The following TRPV5 variants were observed in gnomAD, a reference collection of about 807,000 sequenced individuals.
TRPV5 encodes the protein calcium transport protein 2.
In TRPV5, 66 loss-of-function variants were observed where a neutral mutation model predicts 74.1. The observed-to-expected ratio is 0.89, with a 90% CI of 0.73 to 1.09. TRPV5 has a LOEUF of 1.09. Ranked by LOEUF, TRPV5 falls within the 50% of genes least tolerant of loss-of-function variation. TRPV5 has a pLI of 0.00. For synonymous variants in TRPV5, 399 were observed against 360.7 expected (o/e 1.11, Z -1.20); for missense variants, 936 against 930.4 (o/e 1.01, Z -0.08).
chr7:142,930,185 A>T lies in TRPV5; in HGVS notation c.227-5T>A. 6.2e-7 allele frequency: 1 copy of T among 1,611,916 alleles called. No homozygotes were observed. Among genetic ancestry groups the T allele is most frequent in the Non-Finnish European group, 8.5e-7 (1 of 1,179,426 alleles). On this transcript the variant is annotated splice_polypyrimidine_tract_variant and splice_region_variant and intron_variant, in intron 2 of 14. Transcript: ENST00000265310. The stretch of plus-strand genomic sequence containing the variant: ...GCGCCGTCTCCCCCAGGGCTCCTGG[A>T]TTGGAGTAAGACAGAGATGTTAGAC...
rs779913551 is a variant in TRPV5, at chr7:142,915,385, T to G, written c.1210-2A>C. On this transcript the variant is annotated splice_acceptor_variant, in intron 9 of 14. Coordinates refer to ENST00000265310, the MANE Select transcript of TRPV5 (RefSeq NM_019841.7). LOFTEE classifies it high-confidence loss of function. ...ACCAACCCTGAAGATGTCTGGAATCTGGGGAGAGGACGGCAAAGCAAAAAT... is the reference window on the plus strand; with the variant it reads ...ACCAACCCTGAAGATGTCTGGAATCGGGGGAGAGGACGGCAAAGCAAAAAT... The G allele has an allele frequency of 1.2e-6, 2 of 1,607,700 alleles. No homozygotes were observed. The highest frequency in any genetic ancestry group is 3.5e-5 in the Admixed American group (2 of 57,494).
intron 8 of TRPV5, 190 bp downstream of exon 8, chr7:142,925,339 C>T: frequency 1.6e-6 from 1 of 615,110 alleles, no homozygotes. Flanking sequence ...GCTCCCTGGA[C>T]AAATGCTCTT....
At chr7:142,909,181 G>C (rs898673420) in intron 14 of TRPV5, among the ~76,000 whole-genome samples, 1 of 152,110 alleles carries the variant, frequency 6.6e-6, no homozygotes. Flanking sequence ...AGTCACGCCG[G>C]GAGATGAGGG....
At chr7:142,926,473 T>C (rs530758353) in intron 7 of TRPV5, among the ~76,000 whole-genome samples, 6 of 152,164 alleles carry the variant, frequency 3.9e-5, no homozygotes, top group Non-Finnish European at 8.8e-5. Context: ...ACAGCATGAA[T>C]ATCTTTTCTA....
chr7:142,924,334 A>C (rs1795941258), intron 8 of TRPV5, among the ~76,000 whole-genome samples: 1 of 5,444 alleles, frequency 1.8e-4, no homozygotes, highest in Non-Finnish European at 5.9e-4. Context: ...ATGTATATAT[A>C]TACATATATA....
chr7:142,929,022 C>T lies in TRPV5; in HGVS notation c.586G>A (p.Gly196Arg). 1 of 1,613,962 alleles carries T rather than the reference C, an allele frequency of 6.2e-7. No homozygotes were observed. Among genetic ancestry groups the T allele is most frequent in the South Asian group, 1.1e-5 (1 of 91,076 alleles). ...CTCCCCTCCCCATCCCAGCTCTTAC[C>T]CAGGGAGTCCTGGGCCCTGATGTCA... ...GADIRAQDSL[G>R]NTVLHILILQ... is the part of the protein sequence containing the mutation. Residue 196 changes from glycine to arginine, a missense_variant and splice_region_variant, in exon 5 of 15, where the codon GGA becomes AGA. Transcript: ENST00000265310.
chr7:142,922,164 A>T (rs1795895441), intron 8 of TRPV5, among the ~76,000 whole-genome samples: 1 of 152,236 alleles, frequency 6.6e-6, no homozygotes, highest in Non-Finnish European at 1.5e-5. Flanking sequence ...AAGAAAGCAG[A>T]CATCATGTGT....
rs1302761036 is a variant in TRPV5, at chr7:142,912,510, T to G, written c.1760A>C (p.Gln587Pro). The change falls in exon 13 of 15, where the codon CAG (glutamine) becomes CCG (proline). Residue 587 changes from glutamine (Q) to proline (P), a missense_variant. Physicochemically the swap from Gln to Pro is moderately conservative, Grantham distance 76. Coordinates refer to ENST00000265310, the MANE Select transcript of TRPV5 (RefSeq NM_019841.7). ...GGCCCTCCAGAGCTCATCCCTCTCC[T>G]GGGCCACCCTCCAGTGGGTGTCGCC... ...MMGDTHWRVA[Q>P]ERDELWRAQV... 1.2e-6 allele frequency: 2 copies of G among 1,614,106 alleles called. No homozygotes were observed. The highest frequency in any genetic ancestry group is 1.7e-6 in the Non-Finnish European group (2 of 1,180,030).
intron 8 of TRPV5, among the ~76,000 whole-genome samples, chr7:142,923,126 A>G (rs1000677986): frequency 6.6e-6 from 1 of 152,224 alleles, no homozygotes; most frequent in Admixed American, 6.5e-5. Flanking sequence ...CTGCAGAGGA[A>G]GTCCTGAAGT....
intron 7 of TRPV5, 105 bp downstream of exon 7, chr7:142,927,983 A>G: frequency 1.4e-6 from 2 of 1,406,814 alleles, no homozygotes; most frequent in Middle Eastern, 1.8e-4. Flanking sequence ...CACCTATTAT[A>G]AGGCTGGGAA....
intron 8 of TRPV5, among the ~76,000 whole-genome samples, chr7:142,920,901 A>G (rs558516707): frequency 1.3e-5 from 2 of 152,332 alleles, no homozygotes; most frequent in African/African-American, 4.8e-5. Context: ...TAAGGCCTCA[A>G]AAACACTGAT....
intron 6 of TRPV5, 48 bp downstream of exon 6, chr7:142,928,643 G>A (rs146351350): frequency 2.5e-5 from 39 of 1,582,516 alleles, no homozygotes; most frequent in Middle Eastern, 1.7e-4. Flanking sequence ...AGCAGGATAG[G>A]TTGAGGGTCA....
chr7:142,930,094 G>A lies in TRPV5; in HGVS notation c.313C>T (p.Leu105=). 1.2e-6 allele frequency: 2 copies of A among 1,614,182 alleles called. No individual in the cohort carries two copies. The highest frequency in any genetic ancestry group is 1.7e-6 in the Non-Finnish European group (2 of 1,180,028). Residue 105 remains leucine, a synonymous_variant, in exon 3 of 15, where the codon CTG becomes TTG. Coordinates refer to ENST00000265310, the MANE Select transcript of TRPV5 (RefSeq NM_019841.7). ...ALVLMEAAPE[L]VFEPTTCEAF... ...TCACATGTGGTGGGCTCAAAGACCA[G>A]CTCTGGGGCAGCCTCCATCAGCACC...
At chr7:142,912,433 T>G in intron 13 of TRPV5, 49 bp downstream of exon 13, 2 of 1,572,578 alleles carry the variant, frequency 1.3e-6, no homozygotes, top group Non-Finnish European at 1.7e-6. Context: ...CACTTTGATT[T>G]TTCTCTCCAA....
intron 8 of TRPV5, among the ~76,000 whole-genome samples, chr7:142,922,379 A>G (rs146692816): frequency 2.6e-4 from 40 of 152,356 alleles, no homozygotes; most frequent in African/African-American, 7.9e-4. Context: ...CTGAACAGTA[A>G]TCCGGGAATC....
At position 142,933,444 on chromosome 7, in the gene TRPV5, G is replaced by A. The variant is rs1796131801; in HGVS notation, c.16C>T (p.Pro6Ser). 2 of 1,613,664 alleles carry A rather than the reference G, an allele frequency of 1.2e-6. No individual in the cohort carries two copies. Among genetic ancestry groups the A allele is most frequent in the South Asian group, 2.2e-5 (2 of 91,048 alleles). Residue 6 changes from proline to serine, a missense_variant, in exon 1 of 15, where the codon CCT becomes TCT. Coordinates refer to ENST00000265310, the MANE Select transcript of TRPV5 (RefSeq NM_019841.7). The stretch of plus-strand genomic sequence containing the variant: ...TGGCTCCCGGGCCCTTCTGCCTTAG[G>A]TAGAAAACCCCCCATGTCTTCTCCT... MGGFL[P>S]KAEGPGSQLQ... is the part of the protein sequence containing the mutation.
intron 14 of TRPV5, 146 bp downstream of exon 14, chr7:142,909,344 C>T: frequency 1.3e-6 from 1 of 778,346 alleles, no homozygotes; most frequent in Non-Finnish European, 2.0e-6. Context: ...CCCTGAGGTA[C>T]ACACAGCATT....
chr7:142,926,407 C>A (rs1182287547), intron 7 of TRPV5, among the ~76,000 whole-genome samples: 1 of 152,004 alleles, frequency 6.6e-6, no homozygotes, highest in Non-Finnish European at 1.5e-5. Flanking sequence ...CGGGAGGAGG[C>A]ATCTGAGAAA....
chr7:142,927,324 T>C (rs1796005699), intron 7 of TRPV5, among the ~76,000 whole-genome samples: 1 of 152,218 alleles, frequency 6.6e-6, no homozygotes, highest in Non-Finnish European at 1.5e-5. Context: ...AGGAAGTTGA[T>C]GAACAGGAAC....
Sources: gnomAD v4.1 joint callset for allele counts (sites outside exome capture counted in the v4.1 genomes callset) on GRCh38, gnomAD v4.1.1 for gene constraint, MANE v1.5 for transcripts, NCBI Gene and HGNC (gene_info 2026-07-23, HGNC 2026-07-21) for gene names.